The following KCNQ1 variants were observed in gnomAD, a reference collection of about 807,000 sequenced individuals.
The protein encoded by KCNQ1 is potassium voltage-gated channel subfamily KQT member 1.
A neutral mutation model predicts 72.4 loss-of-function variants in KCNQ1; 49 were observed. The observed-to-expected ratio is 0.68, with a 90% CI of 0.54 to 0.86. The LOEUF is 0.86. Ranked by LOEUF, KCNQ1 falls within the 40% of genes least tolerant of loss-of-function variation. KCNQ1 has a pLI of 0.00. For synonymous variants in KCNQ1, 450 were observed against 412.6 expected, an observed-to-expected ratio of 1.09 and a Z score of -1.10; for missense variants, 790 against 945.1, an observed-to-expected ratio of 0.84 and a Z score of 2.15.
Position 2,588,987 on chromosome 11 carries a change from G to A in KCNQ1, c.1393+133G>A. On this transcript the variant is annotated intron_variant, in intron 10 of 15. Coordinates refer to ENST00000155840, the MANE Select transcript of KCNQ1 (RefSeq NM_000218.3). The surrounding 1 kb of genome is among the most constrained non-coding windows in gnomAD (Gnocchi z 5.6). ...AACGAGGTATGAACAGACAGAGGGT[G>A]GAGCTTCTAGAAACTTCTGTAAACC... The A allele has an allele frequency of 9.0e-7, 1 of 1,107,070 alleles. No individual in the cohort carries two copies. The highest frequency in any genetic ancestry group is 2.2e-5 in the Admixed American group (1 of 46,420). The allele number at this position is 1,107,070 out of a possible 1,614,324, so 68.6% of individuals were successfully genotyped here. A position where few individuals can be genotyped will look rare whatever the true frequency, so the allele number is the denominator to read the frequency against.
rs1407377887 is a variant in KCNQ1, at chr11:2,834,336, T to C, written c.1795-13431T>C. ...CCAGGTGCGGTGCTGAGGCTGAGCA[T>C]GCACTGGCTGGGGAGGGTGGGCAGA... On this transcript the variant is annotated intron_variant, in intron 15 of 15. Transcript: ENST00000155840. Among the ~76,000 whole-genome samples, 7 of 152,146 alleles carry C rather than the reference T, an allele frequency of 4.6e-5. No individual in the cohort carries two copies. The East Asian group carries it at 1.4e-3, about 29-fold the overall frequency.
chr11:2,584,617 CTGTGTGTTAGTGTT>C (rs1564825048), intron 7 of KCNQ1, among the ~76,000 whole-genome samples: 1 of 140,476 alleles, frequency 7.1e-6, no homozygotes, highest in East Asian at 2.1e-4. Flanking sequence ...GTGTGGGTTA[CTGTGTGTTAGTGTT>C]TGTGTGTTAG....
rs139954361 is a variant in KCNQ1, at chr11:2,591,647, G to C, written c.1393+2793G>C. Among the ~76,000 whole-genome samples the C allele has an allele frequency of 2.1e-3, 313 of 152,374 alleles. 1 individual carries two copies. Among genetic ancestry groups the C allele is most frequent in the Middle Eastern group, 6.8e-3 (2 of 294 alleles). On this transcript the variant is annotated intron_variant, in intron 10 of 15. Coordinates refer to ENST00000155840, the MANE Select transcript of KCNQ1 (RefSeq NM_000218.3). ...TGCTGAATGCGGGGCAGCCCGAATCGATGCCGTCCATTCAGCCTGGTTAGT... is the reference window on the plus strand; with the variant it reads ...TGCTGAATGCGGGGCAGCCCGAATCCATGCCGTCCATTCAGCCTGGTTAGT...
rs1213748649 is a variant in KCNQ1, at chr11:2,669,852, G to A, written c.1514+7771G>A. ...ATGAGTTACCATGGGATACAAATGG[G>A]GTCACAACATATGGCTGTCAGCTGC... On this transcript the variant is annotated intron_variant, in intron 11 of 15. Transcript: ENST00000155840. The surrounding 1 kb of genome is among the most constrained non-coding windows in gnomAD (Gnocchi z 5.6). 2.5e-6 allele frequency: 1 copy of A among 398,564 alleles called. No individual in the cohort carries two copies. The highest frequency in any genetic ancestry group is 4.4e-5 in the Admixed American group (1 of 22,728). 24.7% of individuals were successfully genotyped at this position (398,564 alleles called of 1,614,324 possible). A position where few individuals can be genotyped will look rare whatever the true frequency, so the allele number is the denominator to read the frequency against.
chr11:2,600,824 C>T lies in KCNQ1; in HGVS notation c.1393+11970C>T, dbSNP rs1848794497. Among the ~76,000 whole-genome samples, 1 of 152,106 alleles carries T rather than the reference C, an allele frequency of 6.6e-6. No homozygotes were observed. ...ATGACACTGATATTTTTTAAAGATACAGTCCTGCCACTTCTTGGGGGAGTC... is the reference window on the plus strand; with the variant it reads ...ATGACACTGATATTTTTTAAAGATATAGTCCTGCCACTTCTTGGGGGAGTC... On this transcript the variant is annotated intron_variant, in intron 10 of 15. Transcript: ENST00000155840. The surrounding 1 kb of genome is among the most constrained non-coding windows in gnomAD (Gnocchi z 5.6).
chr11:2,806,161 C>T (rs575015469), intron 15 of KCNQ1, among the ~76,000 whole-genome samples: 46 of 152,212 alleles, frequency 3.0e-4, no homozygotes, highest in African/African-American at 9.6e-4. Flanking sequence ...TGCCCGGAAA[C>T]GTGTCTCTGG....
At chr11:2,796,922 T>C (rs1042181105) in intron 15 of KCNQ1, among the ~76,000 whole-genome samples, 1 of 152,152 alleles carries the variant, frequency 6.6e-6, no homozygotes, top group African/African-American at 2.4e-5. Flanking sequence ...CCGTAAATGG[T>C]TTCTGTGTGG....
chr11:2,778,160 A>G, intron 15 of KCNQ1, 123 bp downstream of exon 15: 1 of 947,562 alleles, frequency 1.1e-6, no homozygotes. Flanking sequence ...GCCAGTGCCT[A>G]CTGCAGCCTG....
At chr11:2,770,758 T>C (rs1365483372) in intron 12 of KCNQ1, among the ~76,000 whole-genome samples, 1 of 152,240 alleles carries the variant, frequency 6.6e-6, no homozygotes, top group African/African-American at 2.4e-5. Flanking sequence ...GTCTCCATTC[T>C]GGGACCGTCT....
chr11:2,640,285 A>G (rs1849552867), intron 10 of KCNQ1: 2 of 397,910 alleles, frequency 5.0e-6, no homozygotes, highest in Admixed American at 8.8e-5. Flanking sequence ...GAAATCACCC[A>G]TCTTCTGCGT....
intron 11 of KCNQ1, among the ~76,000 whole-genome samples, chr11:2,721,986 G>A (rs778640954): frequency 1.3e-5 from 2 of 152,182 alleles, no homozygotes; most frequent in African/African-American, 4.8e-5. Context: ...CTGTCCCTAC[G>A]CACACCCCCT....
In KCNQ1 at chr11:2,691,944, C is replaced by T. The variant is rs1197937290; in HGVS notation, c.1514+29863C>T. On this transcript the variant is annotated intron_variant, in intron 11 of 15. Coordinates refer to ENST00000155840, the MANE Select transcript of KCNQ1 (RefSeq NM_000218.3). This position sits in a 1 kb window ranked among gnomAD's most constrained non-coding sequence, Gnocchi z 6.4. Reference sequence around the variant, plus strand: ...TGGCAGGTTTTCCCTTCTGGCATGGCCACTAAATGCCAGTGCCTTTCTCTA... The same window carrying T: ...TGGCAGGTTTTCCCTTCTGGCATGGTCACTAAATGCCAGTGCCTTTCTCTA... 2.5e-6 allele frequency: 1 copy of T among 398,654 alleles called. No individual in the cohort carries two copies. The highest frequency in any genetic ancestry group is 4.4e-6 in the Non-Finnish European group (1 of 226,126). 24.7% of individuals were successfully genotyped at this position (398,654 alleles called of 1,614,324 possible). A position where few individuals can be genotyped will look rare whatever the true frequency, so the allele number is the denominator to read the frequency against.
intron 15 of KCNQ1, among the ~76,000 whole-genome samples, chr11:2,786,999 T>C (rs907525395): frequency 2.0e-5 from 3 of 151,228 alleles, no homozygotes; most frequent in African/African-American, 7.3e-5. Context: ...AATTTATCTG[T>C]GGGAATTTTT....
rs547253693 is a variant in KCNQ1 at position 2,704,174 on chromosome 11, G to A, written c.1514+42093G>A. On this transcript the variant is annotated intron_variant, in intron 11 of 15. Transcript: ENST00000155840. This position sits in a 1 kb window ranked among gnomAD's most constrained non-coding sequence, Gnocchi z 4.3. ...GGTAAGGGCTCTGTGATCCTGCAAC[G>A]CCCACCTTCTTCCTTCACTGGTCAT... Among the ~76,000 whole-genome samples, 9 of 152,314 alleles carry A rather than the reference G, an allele frequency of 5.9e-5. No homozygotes were observed. Among genetic ancestry groups the A allele is most frequent in the African/African-American group, 9.6e-5 (4 of 41,578 alleles).
rs938710181 is a variant in KCNQ1 at position 2,462,244 on chromosome 11, G to A, written c.386+16760G>A. ...TCATGGCTGTTCTTGGGGCTGCCAG[G>A]CCTGCAAGGTAGACAGGCCTCTGGA... On this transcript the variant is annotated intron_variant, in intron 1 of 15. Transcript: ENST00000155840. The surrounding 1 kb of genome is among the most constrained non-coding windows in gnomAD (Gnocchi z 8.2). Among the ~76,000 whole-genome samples the A allele has an allele frequency of 6.6e-6, 1 of 152,168 alleles. No homozygotes were observed. The highest frequency in any genetic ancestry group is 2.4e-5 in the African/African-American group (1 of 41,444).
rs1849177604 is a variant in KCNQ1 at position 2,621,845 on chromosome 11, T to C, written c.1393+32991T>C. 1 of 398,396 alleles carries C rather than the reference T, an allele frequency of 2.5e-6. No homozygotes were observed. Among genetic ancestry groups the C allele is most frequent in the African/African-American group, 2.1e-5 (1 of 48,748 alleles). 24.7% of individuals were successfully genotyped at this position (398,396 alleles called of 1,614,324 possible). ...ATTGAAGTCTTAGTTTTACTGACTT[T>C]TTTCCCCTATGGTTTTTCTTTCTAA... On this transcript the variant is annotated intron_variant, in intron 10 of 15. Coordinates refer to ENST00000155840, the MANE Select transcript of KCNQ1 (RefSeq NM_000218.3). The surrounding 1 kb of genome is among the most constrained non-coding windows in gnomAD (Gnocchi z 5.7).
Position 2,619,224 on chromosome 11 carries a change from T to G in KCNQ1, c.1393+30370T>G, listed in dbSNP as rs546120093. ...CTTCCAGTACTATGTTGAGTAGTAG[T>G]AGCTAGAGTGGGCATCCTTGCCTTG... is the stretch of plus-strand genomic sequence containing the variant. On this transcript the variant is annotated intron_variant, in intron 10 of 15. Coordinates refer to ENST00000155840, the MANE Select transcript of KCNQ1 (RefSeq NM_000218.3). 1.0e-5 allele frequency: 4 copies of G among 398,566 alleles called. No homozygotes were observed. In the East Asian group the frequency reaches 1.4e-4, roughly 14 times the overall value. 24.7% of individuals were successfully genotyped at this position (398,566 alleles called of 1,614,324 possible). A position where few individuals can be genotyped will look rare whatever the true frequency, so the allele number is the denominator to read the frequency against.
At position 2,847,989 on chromosome 11, in the gene KCNQ1, G is replaced by C. The variant is rs866169644; in HGVS notation, c.2017G>C (p.Asp673His). The C allele has an allele frequency of 6.5e-7, 1 of 1,546,034 alleles. No individual in the cohort carries two copies. Among genetic ancestry groups the C allele is most frequent in the African/African-American group, 1.4e-5 (1 of 73,376 alleles). Residue 673 changes from aspartate to histidine, a missense_variant, in exon 16 of 16, where the codon GAT becomes CAT. Around this residue, in one of 5 missense-constraint regions of KCNQ1, gnomAD observed 94 missense variants for 85.2 expected, o/e 1.10. Coordinates refer to ENST00000155840, the MANE Select transcript of KCNQ1 (RefSeq NM_000218.3). ...GCTGACCGTGCCCAGGAGGGGCCCCGATGAGGGGTCCTGAGGAGGGGATGG... is the reference window on the plus strand; with the variant it reads ...GCTGACCGTGCCCAGGAGGGGCCCCCATGAGGGGTCCTGAGGAGGGGATGG... ...EQLTVPRRGP[D>H]EGS
At chr11:2,689,862 C>A (rs1018857019) in intron 11 of KCNQ1, 12 of 398,744 alleles carry the variant, frequency 3.0e-5, no homozygotes, top group African/African-American at 6.2e-5. Flanking sequence ...TTAGCACCCA[C>A]CCCTGCCTAT....
Sources: gnomAD v4.1 joint callset for allele counts (sites outside exome capture counted in the v4.1 genomes callset) on GRCh38, gnomAD v4.1.1 for gene constraint, gnomAD v4.1.1 regional missense constraint, Gnocchi (gnomAD v3.1) non-coding constraint, MANE v1.5 for transcripts, NCBI Gene and HGNC (gene_info 2026-07-23, HGNC 2026-07-21) for gene names.